Variants in SPHK2 observed in about 807,000 individuals in gnomAD.
SPHK2 encodes sphingosine kinase 2.
In SPHK2, 18 loss-of-function variants were observed where a neutral mutation model predicts 32.3. The observed-to-expected ratio is 0.56, with a 90% CI of 0.39 to 0.83. The LOEUF (loss-of-function observed/expected upper bound fraction) is 0.83, where lower values mean the gene tolerates loss of function less well. Among genes scored for constraint, SPHK2 ranks in the 40% least tolerant of loss-of-function variants. The pLI, the probability that SPHK2 is intolerant of heterozygous loss-of-function variation, is 0.00. For missense variants in SPHK2, 850 were observed against 908.7 expected, an observed-to-expected ratio of 0.94 and a Z score of 0.83; for synonymous variants, 462 against 417.6, an observed-to-expected ratio of 1.11 and a Z score of -1.30.
At position 48,624,868 on chromosome 19, in the gene SPHK2, G is replaced by T. The variant is rs1216046718; in HGVS notation, c.40-1023G>T. ...GTAGTTCCTAAGGGTGAGTCCACAG[G>T]CGGTGGGGGGTGGGGGGCTGTCCTG... On this transcript the variant is annotated intron_variant, in intron 2 of 6. Coordinates refer to ENST00000245222, the MANE Select transcript of SPHK2 (RefSeq NM_020126.5). 4 of 978,184 alleles carry T rather than the reference G, an allele frequency of 4.1e-6. No individual in the cohort carries two copies. The African/African-American group carries it at 7.0e-5, about 17-fold the overall frequency. The allele number at this position is 978,184 out of a possible 1,614,324, so 60.6% of individuals were successfully genotyped here.
At position 48,630,202 on chromosome 19, in the gene SPHK2, G is replaced by A; in HGVS notation, c.*429G>A. The A allele has an allele frequency of 8.0e-7, 1 of 1,253,974 alleles. No homozygotes were observed. The allele number at this position is 1,253,974 out of a possible 1,614,324, so 77.7% of individuals were successfully genotyped here. On this transcript the variant is annotated 3_prime_UTR_variant, in exon 7 of 7. Transcript: ENST00000245222. The surrounding 1 kb of genome is among the most constrained non-coding windows in gnomAD (Gnocchi z 4.9). Reference sequence around the variant, plus strand: ...CCCGCAGCCTCGCCCCATCCACTCCGGTGCCTCCATTTAGCTGGCCAATCA... The same window carrying A: ...CCCGCAGCCTCGCCCCATCCACTCCAGTGCCTCCATTTAGCTGGCCAATCA...
chr19:48,625,084 C>T, intron 2 of SPHK2: 1 of 996,956 alleles, frequency 1.0e-6, no homozygotes, highest in Non-Finnish European at 1.2e-6. Flanking sequence ...CAGGTCAGTG[C>T]TCAGGGACCA....
In SPHK2 at chr19:48,629,629, C is replaced by T; in HGVS notation, c.1821C>T (p.Ala607=). The part of the protein sequence containing the change: ...CPQLGYAAAR[A]FRLEPLTPRG... Reference sequence around the variant, plus strand: ...AGCTGGGCTACGCCGCGGCCCGTGCCTTCCGCCTAGAGCCGCTCACACCAC... The same window carrying T: ...AGCTGGGCTACGCCGCGGCCCGTGCTTTCCGCCTAGAGCCGCTCACACCAC... The change falls in exon 7 of 7, where the codon GCC becomes GCT. Residue 607 remains alanine (A), a synonymous_variant. Transcript: ENST00000245222. 1 of 1,600,648 alleles carries T rather than the reference C, an allele frequency of 6.2e-7. No individual in the cohort carries two copies. The highest frequency in any genetic ancestry group is 8.5e-7 in the Non-Finnish European group (1 of 1,174,388).
In SPHK2 at chr19:48,628,870, C is replaced by G. The variant is rs2030266632; in HGVS notation, c.1062C>G (p.Gly354=). ...AGAGCGAGCGCTTCAGGGCCTTGGG[C>G]AGTGCCCGCTTCACACTGGGCACGG... The part of the protein sequence containing the change: ...DIQSERFRAL[G]SARFTLGTVL... The change falls in exon 7 of 7, where the codon GGC becomes GGG. Residue 354 remains glycine (G), a synonymous_variant. Transcript: ENST00000245222. This position sits in a 1 kb window ranked among gnomAD's most constrained non-coding sequence, Gnocchi z 5.2. The G allele has an allele frequency of 6.2e-7, 1 of 1,613,744 alleles. No homozygotes were observed. Among genetic ancestry groups the G allele is most frequent in the Non-Finnish European group, 8.5e-7 (1 of 1,180,020 alleles).
Position 48,627,861 on chromosome 19 carries a change from G to A in SPHK2, c.661+20G>A, listed in dbSNP as rs764016087. 6 of 1,601,796 alleles carry A rather than the reference G, an allele frequency of 3.7e-6. No homozygotes were observed. In the South Asian group the frequency reaches 6.7e-5, roughly 18 times the overall value. Reference sequence around the variant, plus strand: ...AGACAGGTAAGGGCCAGTGAGAATGGGAGCTGGGGGCTGGGACAGCTGAGT... The same window carrying A: ...AGACAGGTAAGGGCCAGTGAGAATGAGAGCTGGGGGCTGGGACAGCTGAGT... On this transcript the variant is annotated intron_variant, in intron 4 of 6. Coordinates refer to ENST00000245222, the MANE Select transcript of SPHK2 (RefSeq NM_020126.5).
At chr19:48,621,843 CT>C (rs1974417469) in intron 2 of SPHK2, among the ~76,000 whole-genome samples, 1 of 152,176 alleles carries the variant, frequency 6.6e-6, no homozygotes, top group South Asian at 2.1e-4. Context: ...TGAGTTTATC[CT>C]GTCTAGTGAC....
intron 2 of SPHK2, 130 bp from the exon 3 acceptor site, chr19:48,625,761 G>C (rs1202043498): frequency 2.0e-6 from 3 of 1,535,584 alleles, no homozygotes; most frequent in East Asian, 2.4e-5. Context: ...GTCTGAGCCT[G>C]TCTGTCTCTG....
chr19:48,620,648 G>C, intron 2 of SPHK2, 95 bp downstream of exon 2: 1 of 1,087,526 alleles, frequency 9.2e-7, no homozygotes, highest in Non-Finnish European at 1.3e-6. Context: ...TGGAGGCCAG[G>C]CGTGGTAGCT....
At chr19:48,620,010 T>C (rs552449898) in intron 1 of SPHK2, among the ~76,000 whole-genome samples, 1 of 152,230 alleles carries the variant, frequency 6.6e-6, no homozygotes, top group African/African-American at 2.4e-5. Context: ...TAGTTACTAA[T>C]GGGGTGATTG....
intron 3 of SPHK2, chr19:48,626,945 C>G (rs1166281949): frequency 6.6e-6 from 1 of 152,088 alleles, no homozygotes; most frequent in Non-Finnish European, 1.5e-5. Context: ...ACCAGCCTGG[C>G]CAACATGGCG....
intron 2 of SPHK2, chr19:48,621,017 GTGA>G (rs1372430135): frequency 6.4e-6 from 1 of 155,080 alleles, no homozygotes; most frequent in Non-Finnish European, 1.4e-5. Context: ...CTGGGCTAAA[GTGA>G]TCTTCCCACC....
rs1315409607 is a variant in SPHK2, at chr19:48,628,255, G to A, written c.850G>A (p.Gly284Arg). The A allele has an allele frequency of 3.1e-6, 5 of 1,613,482 alleles. No homozygotes were observed. Among genetic ancestry groups the A allele is most frequent in the Admixed American group, 3.3e-5 (2 of 60,010 alleles). ...LPCGSGNALA[G>R]AVNQHGGFEP... Reference sequence around the variant, plus strand: ...CTGCGGCTCGGGCAACGCGCTGGCCGGAGCAGTGAACCAGCACGGGGGGTA... The same window carrying A: ...CTGCGGCTCGGGCAACGCGCTGGCCAGAGCAGTGAACCAGCACGGGGGGTA... The change falls in exon 6 of 7, where the codon GGA becomes AGA. Residue 284 changes from glycine to arginine, a missense_variant. By Grantham distance (125) the Gly-to-Arg change is moderately radical (BLOSUM62 -2). Around this residue, in one of 2 missense-constraint regions of SPHK2, gnomAD observed 544 missense variants for 640.0 expected, o/e 0.85. Coordinates refer to ENST00000245222, the MANE Select transcript of SPHK2 (RefSeq NM_020126.5). This position sits in a 1 kb window ranked among gnomAD's most constrained non-coding sequence, Gnocchi z 5.2.
Position 48,628,019 on chromosome 19 carries a change from A to G in SPHK2, c.706A>G (p.Ser236Gly). The G allele has an allele frequency of 6.3e-7, 1 of 1,596,942 alleles. No individual in the cohort carries two copies. Among genetic ancestry groups the G allele is most frequent in the Non-Finnish European group, 8.6e-7 (1 of 1,168,688 alleles). ...GGAGCTGGTCCAGGGGCTGAGCCTG[A>G]GTGAGTGGGATGGCATCGTCACGGT... ...ARELVQGLSL[S>G]EWDGIVTVSG... Residue 236 changes from serine to glycine, a missense_variant, in exon 5 of 7, where the codon AGT becomes GGT. Physicochemically the swap from Ser to Gly is moderately conservative, Grantham distance 56. Coordinates refer to ENST00000245222, the MANE Select transcript of SPHK2 (RefSeq NM_020126.5). The surrounding 1 kb of genome is among the most constrained non-coding windows in gnomAD (Gnocchi z 5.2).
At position 48,629,264 on chromosome 19, in the gene SPHK2, G is replaced by GTCTCCGAAGGGGCCCCCGTAATTCCCCCA; in HGVS notation, c.1459_1487dup (p.Ser497ProfsTer6). On this transcript the variant is annotated frameshift_variant, in exon 7 of 7. Transcript: ENST00000245222. LOFTEE classifies it low-confidence loss of function (END_TRUNC). ...TCCCAAGGCAGCTCTACACTCACCC[G>GTCTCCGAAGGGGCCCCCGTAATTCCCCCA]TCTCCGAAGGGGCCCCCGTAATTCC... 6.2e-7 allele frequency: 1 copy of GTCTCCGAAGGGGCCCCCGTAATTCCCCCA among 1,613,594 alleles called. No individual in the cohort carries two copies. Among genetic ancestry groups the GTCTCCGAAGGGGCCCCCGTAATTCCCCCA allele is most frequent in the Non-Finnish European group, 8.5e-7 (1 of 1,179,968 alleles).
chr19:48,627,918 T>C, intron 4 of SPHK2, 57 bp from the exon 5 acceptor site: 1 of 1,567,988 alleles, frequency 6.4e-7, no homozygotes, highest in South Asian at 1.2e-5. Context: ...GTGGGACTCC[T>C]GGGTCTATGG....
rs1182381880 is a variant in SPHK2, at chr19:48,630,072, A to AC, written c.*302dup. On this transcript the variant is annotated 3_prime_UTR_variant, in exon 7 of 7. Coordinates refer to ENST00000245222, the MANE Select transcript of SPHK2 (RefSeq NM_020126.5). This position sits in a 1 kb window ranked among gnomAD's most constrained non-coding sequence, Gnocchi z 4.9. ...GTCCTGACGCTTGCCACCTGCTCCT[A>AC]CCCGGCCAGGATGGCTGAGGGCGGA... 8 of 1,280,552 alleles carry AC rather than the reference A, an allele frequency of 6.2e-6. No homozygotes were observed. In the East Asian group the frequency reaches 2.4e-4, roughly 38 times the overall value. The allele number at this position is 1,280,552 out of a possible 1,614,324, so 79.3% of individuals were successfully genotyped here. A position where few individuals can be genotyped will look rare whatever the true frequency, so the allele number is the denominator to read the frequency against.
chr19:48,620,361 T>C, intron 1 of SPHK2, 41 bp from the exon 2 acceptor site: 1 of 581,878 alleles, frequency 1.7e-6, no homozygotes, highest in Non-Finnish European at 3.0e-6. Flanking sequence ...CCTCCTGCAG[T>C]TGGCTGTCAA....
chr19:48,620,539 G>A lies in SPHK2; in HGVS notation c.25G>A (p.Glu9Lys), dbSNP rs148184205. The A allele has an allele frequency of 9.0e-4, 1,446 of 1,612,998 alleles. 1 individual carries two copies. Among genetic ancestry groups the A allele is most frequent in the East Asian group, 1.4e-3 (63 of 44,882 alleles). Residue 9 changes from glutamate (E) to lysine (K), a missense_variant, in exon 2 of 7, where the codon GAG (glutamate) becomes AAG (lysine). Glu to Lys is a moderately conservative substitution (Grantham distance 56). Coordinates refer to ENST00000245222, the MANE Select transcript of SPHK2 (RefSeq NM_020126.5). MNGHLEAEEQQDQRPDQEL... is the reference protein window; with the variant it reads MNGHLEAEKQQDQRPDQEL... Reference sequence around the variant, plus strand: ...GATGAATGGACACCTTGAAGCAGAGGAGCAGCAGGACCAGGTAAGGGACCA... The same window carrying A: ...GATGAATGGACACCTTGAAGCAGAGAAGCAGCAGGACCAGGTAAGGGACCA...
Position 48,630,341 on chromosome 19 carries a change from C to T in SPHK2, c.*568C>T. 3.1e-6 allele frequency: 4 copies of T among 1,310,312 alleles called. No homozygotes were observed. The highest frequency in any genetic ancestry group is 7.4e-5 in the Admixed American group (2 of 27,202). 81.2% of individuals were successfully genotyped at this position (1,310,312 alleles called of 1,614,324 possible). On this transcript the variant is annotated 3_prime_UTR_variant, in exon 7 of 7. Transcript: ENST00000245222. The surrounding 1 kb of genome is among the most constrained non-coding windows in gnomAD (Gnocchi z 4.9). ...CCCTGTTCGTCTCATGCGCGTCCTCCGTCCCCAATCTAAAAAGCAATTGAA... is the reference window on the plus strand; with the variant it reads ...CCCTGTTCGTCTCATGCGCGTCCTCTGTCCCCAATCTAAAAAGCAATTGAA...
Sources: gnomAD v4.1 joint callset for allele counts (sites outside exome capture counted in the v4.1 genomes callset) on GRCh38, gnomAD v4.1.1 for gene constraint, gnomAD v4.1.1 regional missense constraint, Gnocchi (gnomAD v3.1) non-coding constraint, MANE v1.5 for transcripts, NCBI Gene and HGNC (gene_info 2026-07-23, HGNC 2026-07-21) for gene names.